Variants in GALNTL6 observed in about 807,000 individuals in gnomAD.
The protein encoded by GALNTL6 is polypeptide N-acetylgalactosaminyltransferase like 6.
GALNTL6 carries 46 observed loss-of-function variants against 73.7 expected under a neutral mutation model. The ratio of observed to expected loss-of-function variants is 0.62; its 90% CI spans 0.49 to 0.80. The LOEUF (loss-of-function observed/expected upper bound fraction) is 0.80, where lower values mean the gene tolerates loss of function less well. Among genes scored for constraint, GALNTL6 ranks in the 30% least tolerant of loss-of-function variants. GALNTL6 has a pLI of 0.00. For synonymous variants in GALNTL6, 259 were observed against 263.7 expected, an observed-to-expected ratio of 0.98 and a Z score of 0.17; for missense variants, 604 against 755.0, an observed-to-expected ratio of 0.80 and a Z score of 2.34.
chr4:172,450,853 T>G lies in GALNTL6; in HGVS notation c.553+102164T>G, dbSNP rs147509958. Reference sequence around the variant, plus strand: ...TCTTCTCAGAGAAGTCTTTCCTACCTGAAATAGACTCCAGTCATTCTCTCA... The same window carrying G: ...TCTTCTCAGAGAAGTCTTTCCTACCGGAAATAGACTCCAGTCATTCTCTCA... On this transcript the variant is annotated intron_variant, in intron 5 of 12. Coordinates refer to ENST00000506823, the MANE Select transcript of GALNTL6 (RefSeq NM_001034845.3). Among the ~76,000 whole-genome samples the G allele has an allele frequency of 4.7e-4, 71 of 152,362 alleles. 1 individual carries two copies. In the East Asian group the frequency reaches 0.013, roughly 28 times the overall value.
intron 3 of GALNTL6, among the ~76,000 whole-genome samples, chr4:172,311,213 G>C (rs1578942231): frequency 6.6e-6 from 1 of 152,160 alleles, no homozygotes; most frequent in East Asian, 1.9e-4. Context: ...AGAAATAATA[G>C]TATATTTTCA....
chr4:172,014,541 A>G (rs1160920446), intron 2 of GALNTL6, among the ~76,000 whole-genome samples: 1 of 151,732 alleles, frequency 6.6e-6, no homozygotes, highest in Non-Finnish European at 1.5e-5. Flanking sequence ...TGTTGTTCCA[A>G]TTTAATTTAG....
Position 172,638,028 on chromosome 4 carries a change from T to A in GALNTL6, c.554-171333T>A, listed in dbSNP as rs115381559. On this transcript the variant is annotated intron_variant, in intron 5 of 12. Coordinates refer to ENST00000506823, the MANE Select transcript of GALNTL6 (RefSeq NM_001034845.3). ...TTAGTCTATGAATATTCTCTTCACT[T>A]TCTTTCTTTAATATAACTGGCTTTC... Among the ~76,000 whole-genome samples the A allele has an allele frequency of 4.9e-3, 743 of 152,268 alleles. 5 individuals are homozygous for A. The highest frequency in any genetic ancestry group is 0.017 in the African/African-American group (694 of 41,556).
chr4:172,856,139 C>T (rs374592009), intron 7 of GALNTL6, among the ~76,000 whole-genome samples: 12 of 152,224 alleles, frequency 7.9e-5, no homozygotes, highest in East Asian at 5.8e-4. Context: ...TTCTCATCAA[C>T]GTAGTTGGTC....
intron 5 of GALNTL6, among the ~76,000 whole-genome samples, chr4:172,392,285 G>A (rs1293695354): frequency 4.6e-5 from 7 of 151,854 alleles, no homozygotes. Flanking sequence ...CACCATACCT[G>A]GCCTAAATAG....
At chr4:172,972,205 C>A (rs148783742) in intron 10 of GALNTL6, among the ~76,000 whole-genome samples, 8 of 152,058 alleles carry the variant, frequency 5.3e-5, no homozygotes, top group East Asian at 3.9e-4. Context: ...AATAATAGAA[C>A]CTTAACACAC....
chr4:172,123,378 A>G (rs1733202991), intron 2 of GALNTL6, among the ~76,000 whole-genome samples: 1 of 151,868 alleles, frequency 6.6e-6, no homozygotes, highest in Non-Finnish European at 1.5e-5. Context: ...TTCCACCTTT[A>G]TTCACAAAAA....
At chr4:172,429,817 A>T (rs1027260551) in intron 5 of GALNTL6, among the ~76,000 whole-genome samples, 5 of 152,250 alleles carry the variant, frequency 3.3e-5, no homozygotes, top group African/African-American at 7.2e-5. Context: ...ACACAGGAGA[A>T]GTATGAAGCG....
chr4:172,059,978 G>A (rs754157730), intron 2 of GALNTL6, among the ~76,000 whole-genome samples: 8 of 152,164 alleles, frequency 5.3e-5, no homozygotes, highest in Non-Finnish European at 7.4e-5. Context: ...AAAGAAGACT[G>A]TAGGGAATTT....
At chr4:172,149,097 A>G (rs1220805576) in intron 2 of GALNTL6, among the ~76,000 whole-genome samples, 1 of 152,208 alleles carries the variant, frequency 6.6e-6, no homozygotes, top group Non-Finnish European at 1.5e-5. Flanking sequence ...ATCAGTTTAT[A>G]TTATTCTGCA....
chr4:171,836,996 A>G (rs890712857), intron 2 of GALNTL6, among the ~76,000 whole-genome samples: 3 of 152,188 alleles, frequency 2.0e-5, no homozygotes, highest in Non-Finnish European at 4.4e-5. Flanking sequence ...AAATGTGTGC[A>G]TATAAATACT....
At chr4:172,754,311 C>A (rs1335151083) in intron 5 of GALNTL6, among the ~76,000 whole-genome samples, 4 of 152,188 alleles carry the variant, frequency 2.6e-5, no homozygotes, top group African/African-American at 9.7e-5. Flanking sequence ...TGGCTCACAC[C>A]TGTAATCCTA....
rs1329864001 is a variant in GALNTL6, at chr4:172,825,113, TCTTTCTTTCTTTCTTTCTTC to T, written c.923+11400_923+11419del. ...TTCTTTCTTTCTTTCTTTCTTTCTT[TCTTTCTTTCTTTCTTTCTTC>T]CTTTCTTTCCTTTTTGGTCTAATAC... On this transcript the variant is annotated intron_variant, in intron 7 of 12. Coordinates refer to ENST00000506823, the MANE Select transcript of GALNTL6 (RefSeq NM_001034845.3). Among the ~76,000 whole-genome samples, 17 of 148,196 alleles carry T rather than the reference TCTTTCTTTCTTTCTTTCTTC, an allele frequency of 1.1e-4. No individual in the cohort carries two copies. In the East Asian group the frequency reaches 2.9e-3, roughly 25 times the overall value.
At chr4:172,239,020 T>G (rs889611501) in intron 3 of GALNTL6, among the ~76,000 whole-genome samples, 1 of 152,124 alleles carries the variant, frequency 6.6e-6, no homozygotes, top group Non-Finnish European at 1.5e-5. Flanking sequence ...TTATTAAGGA[T>G]TTTTGCATCT....
intron 2 of GALNTL6, among the ~76,000 whole-genome samples, chr4:171,961,919 C>G (rs1739230465): frequency 6.6e-6 from 1 of 152,184 alleles, no homozygotes. Context: ...TTGCTTCACT[C>G]TTGTGGAATA....
intron 2 of GALNTL6, among the ~76,000 whole-genome samples, chr4:172,081,410 C>T (rs1731875420): frequency 6.6e-6 from 1 of 152,222 alleles, no homozygotes; most frequent in Non-Finnish European, 1.5e-5. Flanking sequence ...GAGGCCAAGG[C>T]AGGCGAATCA....
intron 2 of GALNTL6, among the ~76,000 whole-genome samples, chr4:171,908,315 A>C (rs1219693301): frequency 1.3e-5 from 2 of 152,122 alleles, no homozygotes; most frequent in East Asian, 1.9e-4. Flanking sequence ...AAACAAACAA[A>C]CCCATCAAAA....
chr4:172,100,669 A>C (rs569710789), intron 2 of GALNTL6, among the ~76,000 whole-genome samples: 1 of 152,212 alleles, frequency 6.6e-6, no homozygotes, highest in African/African-American at 2.4e-5. Context: ...CTCTCACAAT[A>C]ATCTTTCAAG....
Position 172,229,742 on chromosome 4 carries a change from T to A in GALNTL6, c.225T>A (p.Ile75=). The A allele has an allele frequency of 6.2e-7, 1 of 1,612,550 alleles. No homozygotes were observed. Among genetic ancestry groups the A allele is most frequent in the South Asian group, 1.1e-5 (1 of 91,014 alleles). ...RRKDWHDYES[I]QKEAMRSGKG... Reference sequence around the variant, plus strand: ...AGGACTGGCATGACTATGAAAGCATTCAGAAAGAGGCTATGCGCTCAGGTA... The same window carrying A: ...AGGACTGGCATGACTATGAAAGCATACAGAAAGAGGCTATGCGCTCAGGTA... The change falls in exon 3 of 13, where the codon ATT becomes ATA. Residue 75 remains isoleucine, a synonymous_variant. Transcript: ENST00000506823.
Sources: gnomAD v4.1 joint callset for allele counts (sites outside exome capture counted in the v4.1 genomes callset) on GRCh38, gnomAD v4.1.1 for gene constraint, MANE v1.5 for transcripts, NCBI Gene and HGNC (gene_info 2026-07-23, HGNC 2026-07-21) for gene names.